Variants in CACNA1C observed in about 807,000 individuals in gnomAD.
CACNA1C encodes calcium voltage-gated channel subunit alpha1 C, also known as voltage-dependent L-type calcium channel subunit alpha-1C.
A neutral mutation model predicts 229.0 loss-of-function variants in CACNA1C; 30 were observed. The ratio of observed to expected loss-of-function variants is 0.13; its 90% CI spans 0.10 to 0.18. The LOEUF is 0.18. CACNA1C is among the 10% of genes least tolerant of loss of function. CACNA1C has a pLI of 1.00. For missense variants in CACNA1C, 1,658 were observed against 2,845.0 expected (o/e 0.58, Z 9.49); for synonymous variants, 1,114 against 1,132.5 (o/e 0.98, Z 0.33).
At chr12:2,435,766 A>G (rs1253709285) in intron 3 of CACNA1C, among the ~76,000 whole-genome samples, 1 of 152,214 alleles carries the variant, frequency 6.6e-6, no homozygotes, top group Non-Finnish European at 1.5e-5. Context: ...CCGGCACTAT[A>G]CAATGCACTG....
rs565494929 is a variant in CACNA1C at position 2,502,298 on chromosome 12, C to T, written c.1114-2544C>T. ...GCGTTAGCTGAGGACCTACTATGTG[C>T]GAGGCATCGTTGTAGGCACCTGGGG... is the stretch of plus-strand genomic sequence containing the variant. On this transcript the variant is annotated intron_variant, in intron 7 of 46. Transcript: ENST00000399655. 3.2e-4 allele frequency among the ~76,000 whole-genome samples: 49 copies of T among 152,346 alleles called. 1 individual carries two copies. In the South Asian group the frequency reaches 5.6e-3, roughly 17 times the overall value.
At chr12:1,997,082 G>A (rs1303820645) in intron 1 of CACNA1C, among the ~76,000 whole-genome samples, 3 of 150,368 alleles carry the variant, frequency 2.0e-5, no homozygotes, top group African/African-American at 4.9e-5. Flanking sequence ...ATATGCACTC[G>A]TAATTTGATA....
intron 1 of CACNA1C, among the ~76,000 whole-genome samples, chr12:2,094,968 G>T (rs1262176908): frequency 1.3e-5 from 2 of 152,146 alleles, no homozygotes; most frequent in Non-Finnish European, 2.9e-5. Context: ...TTAGTCGATG[G>T]CTGCACCATG....
At chr12:1,996,882 T>C (rs1312538751) in intron 1 of CACNA1C, among the ~76,000 whole-genome samples, 1 of 152,098 alleles carries the variant, frequency 6.6e-6, no homozygotes, top group Non-Finnish European at 1.5e-5. Context: ...GGAAAGAAAA[T>C]ACACTTGTGT....
intron 3 of CACNA1C, among the ~76,000 whole-genome samples, chr12:2,147,792 G>A (rs895572770): frequency 1.3e-5 from 2 of 148,378 alleles, no homozygotes; most frequent in African/African-American, 4.9e-5. Flanking sequence ...GATTTTGGGG[G>A]GGCAAATAGG....
rs898382338 is a variant in CACNA1C, at chr12:2,462,983, G to A, written c.757+5277G>A. Among the ~76,000 whole-genome samples the A allele has an allele frequency of 2.0e-5, 3 of 149,212 alleles. No homozygotes were observed. The East Asian group carries it at 5.9e-4, about 30-fold the overall frequency. On this transcript the variant is annotated intron_variant, in intron 5 of 46. Coordinates refer to ENST00000399655, the MANE Select transcript of CACNA1C (RefSeq NM_000719.7). Reference sequence around the variant, plus strand: ...GCTGGAGTGCAGTGGTGTGATCTCGGCTCACTGTAAGCTCCGCCTCCTGGG... The same window carrying A: ...GCTGGAGTGCAGTGGTGTGATCTCGACTCACTGTAAGCTCCGCCTCCTGGG...
chr12:2,089,934 C>A (rs1052214847), intron 1 of CACNA1C, among the ~76,000 whole-genome samples: 1 of 152,142 alleles, frequency 6.6e-6, no homozygotes, highest in Non-Finnish European at 1.5e-5. Flanking sequence ...GAGGCTGAGG[C>A]AGGAGAATGG....
intron 1 of CACNA1C, among the ~76,000 whole-genome samples, chr12:2,086,054 G>A (rs904362345): frequency 1.3e-5 from 2 of 152,162 alleles, no homozygotes; most frequent in African/African-American, 2.4e-5. Context: ...GCAGCGGGTT[G>A]GGCATCCCTT....
intron 3 of CACNA1C, among the ~76,000 whole-genome samples, chr12:2,420,122 TG>T (rs2098962379): frequency 1.3e-5 from 2 of 150,056 alleles, no homozygotes; most frequent in South Asian, 2.1e-4. Context: ...TGTGTGTGTG[TG>T]TGTGTGTGTG....
intron 3 of CACNA1C, among the ~76,000 whole-genome samples, chr12:2,212,556 G>A (rs2097956272): frequency 6.6e-6 from 1 of 152,194 alleles, no homozygotes; most frequent in South Asian, 2.1e-4. Context: ...GTTAGATCAG[G>A]AATAGGATTC....
At position 2,585,640 on chromosome 12, in the gene CACNA1C, G is replaced by A; in HGVS notation, c.2460+144G>A. On this transcript the variant is annotated intron_variant, in intron 17 of 46. Transcript: ENST00000399655. The surrounding 1 kb of genome is among the most constrained non-coding windows in gnomAD (Gnocchi z 4.1). ...AAAGCCAGTGGGGATGAACAGGAGA[G>A]CTGGGAGGGGGAAGATAAGGCAGAT... The A allele has an allele frequency of 7.4e-6, 8 of 1,076,660 alleles. No individual in the cohort carries two copies. The highest frequency in any genetic ancestry group is 9.3e-6 in the Non-Finnish European group (7 of 748,764). 66.7% of individuals were successfully genotyped at this position (1,076,660 alleles called of 1,614,324 possible).
intron 5 of CACNA1C, among the ~76,000 whole-genome samples, chr12:2,475,845 A>T (rs1003279480): frequency 6.6e-6 from 1 of 152,228 alleles, no homozygotes; most frequent in Non-Finnish European, 1.5e-5. Context: ...TATAGTGGTT[A>T]TCTTGGTGTA....
intron 3 of CACNA1C, among the ~76,000 whole-genome samples, chr12:2,204,546 A>C (rs1008777812): frequency 6.6e-6 from 1 of 151,288 alleles, no homozygotes; most frequent in African/African-American, 2.4e-5. Flanking sequence ...ACCAACCCAA[A>C]TGTCCAACAA....
intron 3 of CACNA1C, among the ~76,000 whole-genome samples, chr12:2,272,839 G>C (rs994198561): frequency 5.3e-5 from 8 of 152,214 alleles, no homozygotes; most frequent in Admixed American, 3.3e-4. Context: ...ACACATGTTC[G>C]TAGGCCCAGG....
chr12:1,992,833 C>A lies in CACNA1C; in HGVS notation c.139+21632C>A, dbSNP rs2039776601. On this transcript the variant is annotated intron_variant, in intron 1 of 46. Coordinates refer to the CACNA1C transcript ENST00000682462. Reference sequence around the variant, plus strand: ...GAAGATGGCACTCCTACAATACAGGCCCTCAAACACTTTGTCAGCTCACTC... The same window carrying A: ...GAAGATGGCACTCCTACAATACAGGACCTCAAACACTTTGTCAGCTCACTC... The A allele has an allele frequency of 1.1e-5, 4 of 359,662 alleles. No homozygotes were observed. In the East Asian group the frequency reaches 1.9e-4, roughly 17 times the overall value. The allele number at this position is 359,662 out of a possible 1,614,324, so 22.3% of individuals were successfully genotyped here. A position where few individuals can be genotyped will look rare whatever the true frequency, so the allele number is the denominator to read the frequency against.
intron 20 of CACNA1C, 96 bp downstream of exon 20, chr12:2,596,099 A>C: frequency 8.1e-7 from 1 of 1,232,634 alleles, no homozygotes; most frequent in Non-Finnish European, 1.1e-6. Context: ...CAGGAGCCCA[A>C]TTCTAGGTGT....
At chr12:2,558,956 T>TTC (rs752664198) in intron 11 of CACNA1C, among the ~76,000 whole-genome samples, 1 of 152,166 alleles carries the variant, frequency 6.6e-6, no homozygotes, top group Non-Finnish European at 1.5e-5. Flanking sequence ...AAAAAAAAAT[T>TTC]TCTCTCTCTC....
chr12:1,985,781 G>A (rs2154470616), intron 1 of CACNA1C, among the ~76,000 whole-genome samples: 1 of 152,250 alleles, frequency 6.6e-6, no homozygotes, highest in Non-Finnish European at 1.5e-5. Context: ...CTTGCTGCCT[G>A]TGGATGATGC....
rs987154668 is a variant in CACNA1C, at chr12:2,573,117, A to G, written c.1895+5323A>G. On this transcript the variant is annotated intron_variant, in intron 13 of 46. Coordinates refer to ENST00000399655, the MANE Select transcript of CACNA1C (RefSeq NM_000719.7). ...TAGGCTGGAGTGTGGTAGCATAATC[A>G]TAGCTCACTGTAGCCTCAAACTCCT... is the stretch of plus-strand genomic sequence containing the variant. Among the ~76,000 whole-genome samples the G allele has an allele frequency of 1.6e-4, 25 of 152,096 alleles. No individual in the cohort carries two copies. The Middle Eastern group carries it at 0.01, about 62-fold the overall frequency.
Sources: gnomAD v4.1 joint callset for allele counts (sites outside exome capture counted in the v4.1 genomes callset) on GRCh38, gnomAD v4.1.1 for gene constraint, Gnocchi (gnomAD v3.1) non-coding constraint, MANE v1.5 for transcripts, NCBI Gene and HGNC (gene_info 2026-07-23, HGNC 2026-07-21) for gene names.